ZNF26: variants seen among roughly 807,000 people sequenced by gnomAD.
ZNF26 encodes epididymis luminal protein 179.
ZNF26 carries 32 observed loss-of-function variants against 54.9 expected under a neutral mutation model. The observed-to-expected ratio is 0.58, with a 90% CI of 0.44 to 0.78. ZNF26 has a LOEUF of 0.78. ZNF26 is among the 30% of genes least tolerant of loss of function. ZNF26 has a pLI of 0.00. For missense variants in ZNF26, 524 were observed against 634.0 expected (o/e 0.83, Z 1.86); for synonymous variants, 221 against 209.2 (o/e 1.06, Z -0.49).
At chr12:133,002,551 C>T (rs1291480987) in intron 1 of ZNF26, among the ~76,000 whole-genome samples, 2 of 151,910 alleles carry the variant, frequency 1.3e-5, no homozygotes, top group East Asian at 3.9e-4. Flanking sequence ...CCCTGATCAC[C>T]GTGTCTGAAA....
chr12:133,001,776 A>G lies in ZNF26; in HGVS notation c.34-5266A>G, dbSNP rs1953224019. The G allele has an allele frequency of 8.7e-7, 1 of 1,142,890 alleles. No homozygotes were observed. The highest frequency in any genetic ancestry group is 1.2e-6 in the Non-Finnish European group (1 of 856,398). The allele number at this position is 1,142,890 out of a possible 1,614,324, so 70.8% of individuals were successfully genotyped here. On this transcript the variant is annotated intron_variant, in intron 1 of 3. Coordinates refer to ENST00000328654, the MANE Select transcript of ZNF26 (RefSeq NM_019591.4). This position sits in a 1 kb window ranked among gnomAD's most constrained non-coding sequence, Gnocchi z 4.7. Reference sequence around the variant, plus strand: ...GGCCCTGTTTGAGGTGAGCTGCTGAACCCTCACTCCCCAGCTGCCTTTTGA... The same window carrying G: ...GGCCCTGTTTGAGGTGAGCTGCTGAGCCCTCACTCCCCAGCTGCCTTTTGA...
At chr12:132,992,194 CT>C (rs1952979631) in intron 1 of ZNF26, among the ~76,000 whole-genome samples, 1 of 151,322 alleles carries the variant, frequency 6.6e-6, no homozygotes, top group Non-Finnish European at 1.5e-5. Context: ...TTTTCCTTTT[CT>C]GCCTAGTTAA....
chr12:132,988,183 A>C (rs1361201623), intron 1 of ZNF26, among the ~76,000 whole-genome samples: 1 of 147,448 alleles, frequency 6.8e-6, no homozygotes, highest in African/African-American at 2.5e-5. Flanking sequence ...TAATTTTTGT[A>C]TATTTTGTAG....
At chr12:133,000,618 G>A (rs1953194257) in intron 1 of ZNF26, among the ~76,000 whole-genome samples, 1 of 152,000 alleles carries the variant, frequency 6.6e-6, no homozygotes. Context: ...TAGAGACAGG[G>A]TTTCACCATG....
Position 133,017,472 on chromosome 12 carries a change from T to C in ZNF26, c.*5991T>C, listed in dbSNP as rs1953580734. ...GATGCAGTCCTGGAATCACAGACTT[T>C]TATCTGGTAGTGATTCCTCAATAGG... On this transcript the variant is annotated 3_prime_UTR_variant, in exon 4 of 4. Coordinates refer to ENST00000328654, the MANE Select transcript of ZNF26 (RefSeq NM_019591.4). The C allele has an allele frequency of 6.6e-6, 1 of 152,102 alleles. No homozygotes were observed. The highest frequency in any genetic ancestry group is 2.4e-5 in the African/African-American group (1 of 41,384). The allele number at this position is 152,102 out of a possible 1,614,324, so 9.4% of individuals were successfully genotyped here. A position where few individuals can be genotyped will look rare whatever the true frequency, so the allele number is the denominator to read the frequency against.
At chr12:132,992,144 T>C (rs1367277948) in intron 1 of ZNF26, among the ~76,000 whole-genome samples, 2 of 150,670 alleles carry the variant, frequency 1.3e-5, no homozygotes, top group South Asian at 2.1e-4. Flanking sequence ...TAAGACCCTA[T>C]CTCAAAAAAA....
intron 1 of ZNF26, among the ~76,000 whole-genome samples, chr12:132,987,170 A>G (rs1291177791): frequency 1.3e-5 from 2 of 152,184 alleles, no homozygotes; most frequent in African/African-American, 4.8e-5. Flanking sequence ...AAGTTGTCTT[A>G]TGGAGACCCT....
chr12:133,026,924 A>G lies in ZNF26; in HGVS notation c.*15443A>G, dbSNP rs1466370872. On this transcript the variant is annotated 3_prime_UTR_variant, in exon 4 of 4. Coordinates refer to ENST00000328654, the MANE Select transcript of ZNF26 (RefSeq NM_019591.4). The stretch of plus-strand genomic sequence containing the variant: ...AATAATGTAGAAATAGAGTGATATG[A>G]AACATAAATACCTATATAGGTTAAG... The G allele has an allele frequency of 1.3e-5, 2 of 152,236 alleles. No homozygotes were observed. The highest frequency in any genetic ancestry group is 2.4e-5 in the African/African-American group (1 of 41,456). 9.4% of individuals were successfully genotyped at this position (152,236 alleles called of 1,614,324 possible).
intron 1 of ZNF26, chr12:133,005,794 C>G (rs1376315898): frequency 6.6e-6 from 1 of 152,270 alleles, no homozygotes; most frequent in East Asian, 1.9e-4. Context: ...CAAGAAGGCC[C>G]TCACCAGATG....
At chr12:132,987,809 A>AG (rs1952856492) in intron 1 of ZNF26, 1 of 829,640 alleles carries the variant, frequency 1.2e-6, no homozygotes, top group Non-Finnish European at 1.5e-6. Flanking sequence ...CACACGGTGG[A>AG]GAAAGGCTGT....
At chr12:132,990,384 A>G (rs1952922444) in intron 1 of ZNF26, among the ~76,000 whole-genome samples, 1 of 152,236 alleles carries the variant, frequency 6.6e-6, no homozygotes, top group Non-Finnish European at 1.5e-5. Flanking sequence ...CCAACCTTAC[A>G]TACCAGGAAT....
Position 133,020,166 on chromosome 12 carries a change from C to A in ZNF26, c.*8685C>A, listed in dbSNP as rs1371732597. ...AAAGAAAGTGTGATATATATAAACA[C>A]AGTCAATATGTCTATTCAGTCATAA... On this transcript the variant is annotated 3_prime_UTR_variant, in exon 4 of 4. Coordinates refer to ENST00000328654, the MANE Select transcript of ZNF26 (RefSeq NM_019591.4). The A allele has an allele frequency of 6.6e-5, 10 of 152,048 alleles. No homozygotes were observed. The highest frequency in any genetic ancestry group is 2.4e-4 in the African/African-American group (10 of 41,398). 9.4% of individuals were successfully genotyped at this position (152,048 alleles called of 1,614,324 possible).
intron 3 of ZNF26, among the ~76,000 whole-genome samples, chr12:133,009,691 C>G (rs1953426742): frequency 6.6e-6 from 1 of 152,042 alleles, no homozygotes; most frequent in Admixed American, 6.6e-5. Flanking sequence ...TTTTAGCTTT[C>G]CTGGCCTTTT....
intron 1 of ZNF26, among the ~76,000 whole-genome samples, chr12:132,988,344 C>T (rs1247731408): frequency 2.6e-5 from 4 of 151,164 alleles, no homozygotes; most frequent in Non-Finnish European, 5.9e-5. Flanking sequence ...TCAAGGGATC[C>T]TCCACCTCAG....
In ZNF26 at chr12:133,007,597, G is replaced by A. The variant is rs1252405086; in HGVS notation, c.256+65G>A. ...TGAGCTGATGAGTACCTGAGGAGTGGGCACTCACAGTGTTGTCTTCAGAAA... is the reference window on the plus strand; with the variant it reads ...TGAGCTGATGAGTACCTGAGGAGTGAGCACTCACAGTGTTGTCTTCAGAAA... On this transcript the variant is annotated intron_variant, in intron 3 of 3. Transcript: ENST00000328654. 22 of 1,143,028 alleles carry A rather than the reference G, an allele frequency of 1.9e-5. No homozygotes were observed. The Admixed American group carries it at 4.4e-4, about 23-fold the overall frequency. The allele number at this position is 1,143,028 out of a possible 1,614,324, so 70.8% of individuals were successfully genotyped here.
In ZNF26 at chr12:133,001,253, ACT is replaced by A. The variant is rs1365003209; in HGVS notation, c.34-5785_34-5784del. Among the ~76,000 whole-genome samples the A allele has an allele frequency of 6.6e-6, 1 of 151,596 alleles. No homozygotes were observed. The highest frequency in any genetic ancestry group is 1.9e-4 in the East Asian group (1 of 5,134). ...CTGGTCACAGCCTTGTTTGTTATTG[ACT>A]CTCAGTTACTTTCAGGTATGGGAAA... On this transcript the variant is annotated intron_variant, in intron 1 of 3. Transcript: ENST00000328654. The surrounding 1 kb of genome is among the most constrained non-coding windows in gnomAD (Gnocchi z 4.7).
At chr12:132,987,457 T>C (rs1952849300) in intron 1 of ZNF26, among the ~76,000 whole-genome samples, 1 of 152,186 alleles carries the variant, frequency 6.6e-6, no homozygotes, top group Non-Finnish European at 1.5e-5. Flanking sequence ...ATCGGGACTT[T>C]ATGAATTATT....
intron 1 of ZNF26, among the ~76,000 whole-genome samples, chr12:133,002,623 G>GT (rs1294154414): frequency 6.6e-6 from 1 of 150,684 alleles, no homozygotes; most frequent in African/African-American, 2.4e-5. Flanking sequence ...TTTTTTGTTT[G>GT]TTTTTTGTTT....
At chr12:133,006,323 C>G in intron 1 of ZNF26, 1 of 984,968 alleles carries the variant, frequency 1.0e-6, no homozygotes, top group Non-Finnish European at 1.2e-6. Context: ...GTCCAAACAC[C>G]TCCTGAATTG....
Sources: gnomAD v4.1 joint callset for allele counts (sites outside exome capture counted in the v4.1 genomes callset) on GRCh38, gnomAD v4.1.1 for gene constraint, Gnocchi (gnomAD v3.1) non-coding constraint, MANE v1.5 for transcripts, NCBI Gene and HGNC (gene_info 2026-07-23, HGNC 2026-07-21) for gene names.